AXDND1: variants seen among roughly 807,000 people sequenced by gnomAD.
AXDND1 encodes the protein axonemal dynein light chain domain-containing protein 1.
A neutral mutation model predicts 137.5 loss-of-function variants in AXDND1; 110 were observed. The observed-to-expected ratio is 0.80, with a 90% CI of 0.69 to 0.94. AXDND1 has a LOEUF of 0.94. AXDND1 is among the 40% of genes least tolerant of loss of function. The probability of loss-of-function intolerance (pLI) is 0.00; values close to 1 mark genes in which losing one functional copy is unlikely to be tolerated. For missense variants in AXDND1, 1,191 were observed against 1,169.8 expected (o/e 1.02, Z -0.26); for synonymous variants, 414 against 399.7 (o/e 1.04, Z -0.43).
chr1:179,511,140 C>T (rs1234667608), intron 21 of AXDND1, among the ~76,000 whole-genome samples: 1 of 151,680 alleles, frequency 6.6e-6, no homozygotes, highest in Non-Finnish European at 1.5e-5. Flanking sequence ...GCATTCCAGC[C>T]TGGGCGACAG....
intron 16 of AXDND1, among the ~76,000 whole-genome samples, chr1:179,467,016 C>A (rs1367675089): frequency 6.6e-6 from 1 of 152,140 alleles, no homozygotes; most frequent in Non-Finnish European, 1.5e-5. Flanking sequence ...AGGACCTCTA[C>A]TCCTTAGCAA....
At position 179,390,750 on chromosome 1, in the gene AXDND1, C is replaced by CTTT. The variant is rs35768244; in HGVS notation, c.864-3146_864-3144dup. Among the ~76,000 whole-genome samples the CTTT allele has an allele frequency of 6.9e-4, 104 of 150,496 alleles. No homozygotes were observed. In the Middle Eastern group the frequency reaches 0.017, roughly 25 times the overall value. On this transcript the variant is annotated intron_variant, in intron 9 of 25. Transcript: ENST00000367618. ...TGGCAGGAAAACACAGCCTAGATTCCTTTTTTTTTCTTTTTTAATGAAGCC... is the reference window on the plus strand; with the variant it reads ...TGGCAGGAAAACACAGCCTAGATTCCTTTTTTTTTTTTCTTTTTTAATGAAGCC...
At chr1:179,532,053 C>T (rs2125702158) in intron 23 of AXDND1, among the ~76,000 whole-genome samples, 1 of 152,346 alleles carries the variant, frequency 6.6e-6, no homozygotes, top group East Asian at 1.9e-4. Context: ...GGATTGCCAT[C>T]TGGCACACAT....
chr1:179,366,631 A>G, intron 2 of AXDND1, 25 bp downstream of exon 2: 1 of 1,556,766 alleles, frequency 6.4e-7, no homozygotes, highest in Non-Finnish European at 8.9e-7. Flanking sequence ...TTCTGAAGTC[A>G]TAAACAGTCA....
At chr1:179,409,220 T>C (rs553605644) in intron 11 of AXDND1, among the ~76,000 whole-genome samples, 17 of 152,128 alleles carry the variant, frequency 1.1e-4, no homozygotes, top group Non-Finnish European at 1.8e-4. Flanking sequence ...GTATCTATTA[T>C]GAATGGGATG....
chr1:179,368,763 A>G (rs1667725463), intron 2 of AXDND1, 37 bp from the exon 3 acceptor site: 1 of 1,526,960 alleles, frequency 6.5e-7, no homozygotes, highest in Non-Finnish European at 8.9e-7. Context: ...TTAAAAAAAT[A>G]TATAGTAAGA....
In AXDND1 at chr1:179,394,041, C is replaced by T. The variant is rs201762163; in HGVS notation, c.1002C>T (p.Thr334=). ...YNFKHVIEEL[T]RELCLVRAHD... ...TCAAGCATGTTATTGAAGAACTGAC[C>T]AGGTAAAAACTGTGATTATCTTAAA... The change falls in exon 10 of 26, where the codon ACC becomes ACT. Residue 334 remains threonine (T), a splice_region_variant and synonymous_variant. Transcript: ENST00000367618. The T allele has an allele frequency of 1.6e-4, 258 of 1,593,572 alleles. No individual in the cohort carries two copies. Among genetic ancestry groups the T allele is most frequent in the Non-Finnish European group, 2.1e-4 (248 of 1,172,460 alleles).
At chr1:179,439,116 C>A (rs1234090950) in intron 15 of AXDND1, among the ~76,000 whole-genome samples, 1 of 152,156 alleles carries the variant, frequency 6.6e-6, no homozygotes, top group African/African-American at 2.4e-5. Flanking sequence ...GGTCTCCAAT[C>A]CACAATGTCT....
At chr1:179,498,111 T>G (rs1376448281) in intron 20 of AXDND1, among the ~76,000 whole-genome samples, 1 of 152,130 alleles carries the variant, frequency 6.6e-6, no homozygotes, top group East Asian at 1.9e-4. Flanking sequence ...TCGGTTCTAT[T>G]CCTATCAAAC....
chr1:179,368,742 C>A, intron 2 of AXDND1, 58 bp from the exon 3 acceptor site: 1 of 1,389,022 alleles, frequency 7.2e-7, no homozygotes, highest in Non-Finnish European at 9.8e-7. Context: ...GTCTGAGAAG[C>A]TCCATCTAAC....
intron 16 of AXDND1, chr1:179,448,500 C>T (rs1043785941): frequency 1.8e-5 from 7 of 393,404 alleles, no homozygotes. Context: ...AGTTAATTTT[C>T]TTCAATACCG....
intron 11 of AXDND1, among the ~76,000 whole-genome samples, chr1:179,401,202 G>A (rs1419559806): frequency 6.9e-6 from 1 of 143,936 alleles, no homozygotes; most frequent in Non-Finnish European, 1.5e-5. Flanking sequence ...AGATTGCGGT[G>A]AGCTGAGGTT....
At chr1:179,447,732 A>G (rs1659941633) in intron 16 of AXDND1, 3 of 1,348,898 alleles carry the variant, frequency 2.2e-6, no homozygotes, top group East Asian at 2.3e-5. Flanking sequence ...AACTATTTGC[A>G]CCAGTAGCTC....
chr1:179,408,383 CTTT>C (rs998752586), intron 11 of AXDND1, among the ~76,000 whole-genome samples: 1 of 144,674 alleles, frequency 6.9e-6, no homozygotes. Context: ...ATGAAAAATT[CTTT>C]TTTTTTTTTG....
At chr1:179,373,192 G>A (rs958597988) in intron 4 of AXDND1, among the ~76,000 whole-genome samples, 6 of 151,916 alleles carry the variant, frequency 3.9e-5, no homozygotes, top group Non-Finnish European at 8.8e-5. Context: ...AATACAAAAG[G>A]CTCCTCCAAA....
intron 16 of AXDND1, chr1:179,455,941 A>G (rs1284036817): frequency 4.1e-5 from 11 of 271,504 alleles, no homozygotes; most frequent in Middle Eastern, 1.3e-3. Context: ...TTAGCAATCA[A>G]CAGCATGGGT....
rs756602084 is a variant in AXDND1 at position 179,444,999 on chromosome 1, TG to T, written c.1597del (p.Asp533MetfsTer61). On this transcript the variant is annotated frameshift_variant, in exon 16 of 26. Coordinates refer to ENST00000367618, the MANE Select transcript of AXDND1 (RefSeq NM_144696.6). LOFTEE classifies it high-confidence loss of function. Reference protein sequence around the residue: ...ILNEKKEEFTGDVLLSKYDTL... With the variant: ...ILNEKKEEFTXDVLLSKYDTL... ...TGAATGAGAAAAAAGAAGAGTTTAC[TG>T]GGGATGTTCTACTGTCAAAATACGA... The T allele has an allele frequency of 6.2e-7, 1 of 1,611,276 alleles. No individual in the cohort carries two copies. The highest frequency in any genetic ancestry group is 8.5e-7 in the Non-Finnish European group (1 of 1,177,814).
intron 12 of AXDND1, among the ~76,000 whole-genome samples, chr1:179,428,386 A>G (rs192157671): frequency 6.6e-6 from 1 of 152,380 alleles, no homozygotes; most frequent in East Asian, 1.9e-4. Flanking sequence ...CTGAAGTGAC[A>G]GTTAGAATGT....
At chr1:179,398,799 G>T (rs924173907) in intron 11 of AXDND1, among the ~76,000 whole-genome samples, 2 of 152,030 alleles carry the variant, frequency 1.3e-5, no homozygotes, top group African/African-American at 2.4e-5. Context: ...GGGTGCTTGT[G>T]GGGGTGGGAC....
Sources: allele counts gnomAD v4.1 joint callset (sites outside exome capture counted in the v4.1 genomes callset), GRCh38; gene constraint gnomAD v4.1.1; transcripts MANE v1.5; gene names NCBI Gene and HGNC (gene_info 2026-07-23, HGNC 2026-07-21).